PPP2R2B: variants seen among roughly 807,000 people sequenced by gnomAD.
PPP2R2B encodes the protein serine/threonine-protein phosphatase 2A 55 kDa regulatory subunit B beta isoform.
Under a neutral mutation model 46.0 loss-of-function variants are expected in PPP2R2B, and 5 were observed. The ratio of observed to expected loss-of-function variants is 0.11; its 90% CI spans 0.06 to 0.23. The LOEUF is 0.23. Ranked by LOEUF, PPP2R2B falls within the 10% of genes least tolerant of loss-of-function variation. PPP2R2B has a pLI of 1.00. For missense variants in PPP2R2B, 367 were observed against 575.0 expected (o/e 0.64, Z 3.70); for synonymous variants, 215 against 206.7 (o/e 1.04, Z -0.34).
chr5:146,744,079 T>C (rs1007480209), intron 2 of PPP2R2B, among the ~76,000 whole-genome samples: 2 of 152,230 alleles, frequency 1.3e-5, no homozygotes, highest in Non-Finnish European at 2.9e-5. Flanking sequence ...ATACGTAGTA[T>C]ACATACTAAC....
chr5:146,740,260 T>G (rs942040366), intron 2 of PPP2R2B, among the ~76,000 whole-genome samples: 2 of 152,200 alleles, frequency 1.3e-5, no homozygotes, highest in Non-Finnish European at 2.9e-5. Context: ...AACAGCTCTG[T>G]GGTGACAAGA....
intron 2 of PPP2R2B, among the ~76,000 whole-genome samples, chr5:147,077,372 C>T (rs1757821998): frequency 6.6e-6 from 1 of 151,464 alleles, no homozygotes; most frequent in South Asian, 2.1e-4. Context: ...ATCCCCATTC[C>T]ACACCTGAGG....
intron 5 of PPP2R2B, among the ~76,000 whole-genome samples, chr5:146,686,741 A>C (rs1778525049): frequency 6.6e-6 from 1 of 152,138 alleles, no homozygotes; most frequent in African/African-American, 2.4e-5. Flanking sequence ...GGCAGCTGAT[A>C]ATAATGAGAA....
chr5:147,041,971 C>T (rs1756330489), intron 1 of PPP2R2B, among the ~76,000 whole-genome samples: 1 of 151,980 alleles, frequency 6.6e-6, no homozygotes, highest in South Asian at 2.1e-4. Context: ...CACTGGCAGC[C>T]CCTTCCTCAA....
rs1770042708 is a variant in PPP2R2B, at chr5:146,584,504, T to A, written c.*5443A>T. On this transcript the variant is annotated 3_prime_UTR_variant, in exon 10 of 10. Transcript: ENST00000394411. ...TTACCAATAACTGTGATGGAAGAAG[T>A]ATAGGATCTGGAACAGGATAGATCT... The A allele has an allele frequency of 6.6e-6, 1 of 152,274 alleles. No homozygotes were observed. Among genetic ancestry groups the A allele is most frequent in the South Asian group, 2.1e-4 (1 of 4,820 alleles). 9.4% of individuals were successfully genotyped at this position (152,274 alleles called of 1,614,324 possible).
At chr5:146,599,540 C>A (rs566434636) in intron 8 of PPP2R2B, among the ~76,000 whole-genome samples, 41 of 152,330 alleles carry the variant, frequency 2.7e-4, no homozygotes, top group Admixed American at 2.3e-3. Flanking sequence ...TAGTGATCAG[C>A]CCCTTGCCTC....
At chr5:146,599,204 C>T (rs2151014653) in intron 8 of PPP2R2B, among the ~76,000 whole-genome samples, 1 of 152,224 alleles carries the variant, frequency 6.6e-6, no homozygotes, top group East Asian at 1.9e-4. Context: ...ATGCCTTTTC[C>T]TTTGTTTCCT....
upstream of PPP2R2B, chr5:146,878,774 G>A (rs923708779): frequency 4.2e-6 from 5 of 1,187,598 alleles, no homozygotes; most frequent in African/African-American, 8.9e-5. The surrounding 1 kb of genome is among the most constrained non-coding windows in gnomAD (Gnocchi z 4.5). Context: ...GGCTGGAGGC[G>A]GCTGGTGCAT....
At chr5:147,039,784 C>T (rs1756210600) in intron 1 of PPP2R2B, among the ~76,000 whole-genome samples, 3 of 152,142 alleles carry the variant, frequency 2.0e-5, no homozygotes. Context: ...TTTCCTCCCA[C>T]CAGAATGTAA....
At chr5:147,073,770 G>A (rs1005326872) in intron 2 of PPP2R2B, among the ~76,000 whole-genome samples, 1 of 152,166 alleles carries the variant, frequency 6.6e-6, no homozygotes, top group Non-Finnish European at 1.5e-5. Flanking sequence ...GCGGGGCGTG[G>A]TGGCTCCCGC....
chr5:146,686,418 T>C (rs916916791), intron 5 of PPP2R2B, among the ~76,000 whole-genome samples: 3 of 152,118 alleles, frequency 2.0e-5, no homozygotes, highest in African/African-American at 7.2e-5. Context: ...GAGCAGAGAC[T>C]GAAATGAAGA....
chr5:146,985,605 G>A (rs1277394321), intron 1 of PPP2R2B, among the ~76,000 whole-genome samples: 2 of 152,054 alleles, frequency 1.3e-5, no homozygotes, highest in Non-Finnish European at 2.9e-5. Flanking sequence ...TAAGCCCACG[G>A]CTAACATTAT....
chr5:146,790,228 T>C (rs1003224548), intron 2 of PPP2R2B, among the ~76,000 whole-genome samples: 1 of 152,056 alleles, frequency 6.6e-6, no homozygotes, highest in Admixed American at 6.5e-5. Context: ...GAGATAGAAG[T>C]GAAAATGCCA....
chr5:146,842,917 G>A (rs535892849), intron 2 of PPP2R2B, among the ~76,000 whole-genome samples: 2 of 152,190 alleles, frequency 1.3e-5, no homozygotes, highest in Non-Finnish European at 2.9e-5. Flanking sequence ...GGCTGGGCGC[G>A]GTGGCTCACG....
At chr5:147,026,953 CA>C (rs1755554271) in intron 1 of PPP2R2B, among the ~76,000 whole-genome samples, 1 of 152,162 alleles carries the variant, frequency 6.6e-6, no homozygotes, top group Admixed American at 6.5e-5. Context: ...CAGAGGCAAT[CA>C]AAGCATGTGT....
chr5:146,794,157 G>A (rs1756379037), intron 2 of PPP2R2B, among the ~76,000 whole-genome samples: 2 of 152,118 alleles, frequency 1.3e-5, no homozygotes, highest in African/African-American at 4.8e-5. Context: ...ACTGAAGAAA[G>A]ATATCTGTAC....
chr5:146,950,265 A>G (rs1224128269), intron 1 of PPP2R2B, among the ~76,000 whole-genome samples: 2 of 152,028 alleles, frequency 1.3e-5, no homozygotes, highest in African/African-American at 4.8e-5. Flanking sequence ...ACCTGTAAAA[A>G]TTAAAAATAA....
In PPP2R2B at chr5:146,580,881, G is replaced by A. The variant is rs1022152669; in HGVS notation, c.*9066C>T. ...AATGGAGTTAATGAATCAACCCCGT[G>A]CTGGTCAAAGTGAAGAGCTTCTTTG... On this transcript the variant is annotated 3_prime_UTR_variant, in exon 10 of 10. Coordinates refer to ENST00000394411, the MANE Select transcript of PPP2R2B (RefSeq NM_181675.4). Among the ~76,000 whole-genome samples the A allele has an allele frequency of 2.6e-5, 4 of 152,270 alleles. No homozygotes were observed. The highest frequency in any genetic ancestry group is 4.4e-5 in the Non-Finnish European group (3 of 68,026).
rs538313968 is a variant in PPP2R2B at position 147,038,399 on chromosome 5, A to C, written c.79+17266T>G. ...ATTCTCCAGGGCCTAGAATCAATTT[A>C]ATGAGAATTTTAAGTGACATTATTA... On this transcript the variant is annotated intron_variant, in intron 1 of 8. Transcript: ENST00000336640. Among the ~76,000 whole-genome samples the C allele has an allele frequency of 5.7e-4, 87 of 152,286 alleles. 2 individuals carry two copies. The highest frequency in any genetic ancestry group is 2.0e-3 in the African/African-American group (82 of 41,582).
Sources: gnomAD v4.1 joint callset for allele counts (sites outside exome capture counted in the v4.1 genomes callset) on GRCh38, gnomAD v4.1.1 for gene constraint, Gnocchi (gnomAD v3.1) non-coding constraint, MANE v1.5 for transcripts, NCBI Gene and HGNC (gene_info 2026-07-23, HGNC 2026-07-21) for gene names.